CCDC34: variants seen among roughly 807,000 people sequenced by gnomAD.
CCDC34 encodes the protein coiled-coil domain containing 34.
In CCDC34, 40 loss-of-function variants were observed where a neutral mutation model predicts 44.1. The ratio of observed to expected loss-of-function variants is 0.91; its 90% CI spans 0.70 to 1.18. The LOEUF (loss-of-function observed/expected upper bound fraction) is 1.18. Among genes scored for constraint, CCDC34 ranks in the 50% most tolerant of loss-of-function variants. CCDC34 has a pLI of 0.00. For synonymous variants in CCDC34, 159 were observed against 158.2 expected, an observed-to-expected ratio of 1.01 and a Z score of -0.04; for missense variants, 466 against 452.3, an observed-to-expected ratio of 1.03 and a Z score of -0.28.
At chr11:27,362,058 G>A (rs2133352552) in intron 1 of CCDC34, among the ~76,000 whole-genome samples, 1 of 152,234 alleles carries the variant, frequency 6.6e-6, no homozygotes, top group South Asian at 2.1e-4. Flanking sequence ...CTAGGTGCAT[G>A]CCTTTGAGTC....
intron 3 of CCDC34, among the ~76,000 whole-genome samples, chr11:27,343,279 G>A (rs1862389474): frequency 6.6e-6 from 1 of 152,070 alleles, no homozygotes; most frequent in South Asian, 2.1e-4. Flanking sequence ...GCATACGCCT[G>A]TAATCCCAAC....
At position 27,341,457 on chromosome 11, in the gene CCDC34, C is replaced by A. The variant is rs1161926009; in HGVS notation, c.700G>T (p.Glu234Ter). The change falls in exon 4 of 6, where the codon GAA becomes TAA. Residue 234 changes from glutamate (E) to a stop codon, truncating the protein, a stop_gained. Transcript: ENST00000328697. LOFTEE classifies it high-confidence loss of function. Reference sequence around the variant, plus strand: ...TTCTTTAACCATTCTTGATATTTTTCTTTTGCTTTTTCTTGCAAGTATTCT... The same window carrying A: ...TTCTTTAACCATTCTTGATATTTTTATTTTGCTTTTTCTTGCAAGTATTCT... Reference protein sequence around the residue: ...EKEYLQEKAKEKYQEWLKKKN... With the variant: ...EKEYLQEKAK The A allele has an allele frequency of 6.9e-7, 1 of 1,455,698 alleles. No individual in the cohort carries two copies. The highest frequency in any genetic ancestry group is 9.3e-7 in the Non-Finnish European group (1 of 1,077,384). 90.2% of individuals were successfully genotyped at this position (1,455,698 alleles called of 1,614,324 possible).
chr11:27,342,419 C>A (rs1248989406), intron 3 of CCDC34, among the ~76,000 whole-genome samples: 1 of 149,970 alleles, frequency 6.7e-6, no homozygotes, highest in Non-Finnish European at 1.5e-5. Flanking sequence ...ATTTCCAGGA[C>A]AGTTTGTCAA....
intron 3 of CCDC34, chr11:27,349,298 T>C (rs1862473879): frequency 1.1e-6 from 1 of 920,750 alleles, no homozygotes. Flanking sequence ...TATCATGGGA[T>C]GAAGTAAACT....
chr11:27,341,548 TTTC>T lies in CCDC34; in HGVS notation c.607-1_608del. 8.1e-7 allele frequency: 1 copy of T among 1,236,018 alleles called. No homozygotes were observed. 76.6% of individuals were successfully genotyped at this position (1,236,018 alleles called of 1,614,324 possible). On this transcript the variant is annotated splice_acceptor_variant and coding_sequence_variant, in exon 4 of 6. Transcript: ENST00000328697. LOFTEE classifies it high-confidence loss of function. ...TAATTTTTTGTTCTCTTTCTTTTCT[TTTC>T]TTAAATAAAAATAGATAAAGTTTAA... is the stretch of plus-strand genomic sequence containing the variant.
chr11:27,347,903 T>G (rs1246612605), intron 3 of CCDC34, among the ~76,000 whole-genome samples: 3 of 152,064 alleles, frequency 2.0e-5, no homozygotes, highest in Non-Finnish European at 2.9e-5. Context: ...TAGAATTAAT[T>G]CTGAAAAAAA....
intron 1 of CCDC34, among the ~76,000 whole-genome samples, chr11:27,358,821 T>C (rs928104204): frequency 1.3e-5 from 2 of 151,990 alleles, no homozygotes; most frequent in East Asian, 1.9e-4. Context: ...TCCTCTACCA[T>C]CCACCCACCA....
At chr11:27,360,218 T>TAA (rs1430850278) in intron 1 of CCDC34, among the ~76,000 whole-genome samples, 1 of 152,166 alleles carries the variant, frequency 6.6e-6, no homozygotes, top group African/African-American at 2.4e-5. Context: ...TGGATAGTGG[T>TAA]AGAAAAACCA....
At chr11:27,339,432 A>G (rs538217127) in intron 5 of CCDC34, among the ~76,000 whole-genome samples, 4 of 152,316 alleles carry the variant, frequency 2.6e-5, no homozygotes, top group African/African-American at 9.6e-5. Flanking sequence ...TGAAGTTTAC[A>G]GAAAAACATT....
intron 2 of CCDC34, among the ~76,000 whole-genome samples, chr11:27,352,465 GTACACA>G (rs1328387170): frequency 6.6e-6 from 1 of 151,652 alleles, no homozygotes; most frequent in Admixed American, 6.6e-5. Context: ...ATATATACAT[GTACACA>G]TACAAATACA....
intron 5 of CCDC34, 100 bp from the exon 6 acceptor site, chr11:27,339,135 C>T: frequency 1.3e-6 from 1 of 788,650 alleles, no homozygotes; most frequent in Non-Finnish European, 2.0e-6. Context: ...GTCAAATGGA[C>T]AAATTATCAC....
intron 3 of CCDC34, among the ~76,000 whole-genome samples, chr11:27,346,859 A>G (rs1862441978): frequency 6.6e-6 from 1 of 152,180 alleles, no homozygotes; most frequent in African/African-American, 2.4e-5. Flanking sequence ...CCCTAATTCA[A>G]TAGGACTGGT....
At chr11:27,339,990 A>G (rs1862329784) in intron 5 of CCDC34, among the ~76,000 whole-genome samples, 1 of 152,070 alleles carries the variant, frequency 6.6e-6, no homozygotes, top group Admixed American at 6.6e-5. Context: ...CCTTCGTGAC[A>G]TATGAGAGAG....
intron 2 of CCDC34, among the ~76,000 whole-genome samples, chr11:27,352,153 C>A (rs946908958): frequency 6.6e-6 from 1 of 152,062 alleles, no homozygotes; most frequent in Non-Finnish European, 1.5e-5. Flanking sequence ...GAAGCTGAAG[C>A]GGATGGATCA....
At position 27,351,858 on chromosome 11, in the gene CCDC34, T is replaced by C. The variant is rs188273107; in HGVS notation, c.499-1419A>G. Among the ~76,000 whole-genome samples, 997 of 151,724 alleles carry C rather than the reference T, an allele frequency of 6.6e-3. 15 individuals carry two copies. The highest frequency in any genetic ancestry group is 6.9e-3 in the Non-Finnish European group (469 of 67,868). ...AAAGATGGCTTCGAAAGGAGAGAGA[T>C]TGGGAGGTGGGAGGGGGTAGAAAAT... is the stretch of plus-strand genomic sequence containing the variant. On this transcript the variant is annotated intron_variant, in intron 2 of 5. Coordinates refer to ENST00000328697, the MANE Select transcript of CCDC34 (RefSeq NM_030771.2).
intron 3 of CCDC34, among the ~76,000 whole-genome samples, chr11:27,345,892 A>C (rs971963965): frequency 1.3e-5 from 2 of 152,114 alleles, no homozygotes. Flanking sequence ...ACTAGTTTAC[A>C]GTCCCACCAA....
At chr11:27,339,736 C>CT (rs1334313862) in intron 5 of CCDC34, among the ~76,000 whole-genome samples, 1 of 152,096 alleles carries the variant, frequency 6.6e-6, no homozygotes, top group Non-Finnish European at 1.5e-5. Context: ...AATAAAGAAA[C>CT]TTAAGTACAG....
intron 3 of CCDC34, among the ~76,000 whole-genome samples, chr11:27,347,928 T>C (rs1338794863): frequency 7.9e-5 from 12 of 151,976 alleles, no homozygotes; most frequent in African/African-American, 2.9e-4. Context: ...GACAGACTTC[T>C]GTAGGATTTA....
chr11:27,361,828 TGCCTTACACA>T (rs1862668552), intron 1 of CCDC34, among the ~76,000 whole-genome samples: 2 of 152,192 alleles, frequency 1.3e-5, no homozygotes, highest in African/African-American at 4.8e-5. Context: ...TCCTGTACTG[TGCCTTACACA>T]GCTTGACAAT....
Sources: gnomAD v4.1 joint callset for allele counts (sites outside exome capture counted in the v4.1 genomes callset) on GRCh38, gnomAD v4.1.1 for gene constraint, MANE v1.5 for transcripts, NCBI Gene and HGNC (gene_info 2026-07-23, HGNC 2026-07-21) for gene names.